The following ZNF573 variants were observed in gnomAD, a reference collection of about 807,000 sequenced individuals.
The protein encoded by ZNF573 is zinc finger protein 573.
A neutral mutation model predicts 57.4 loss-of-function variants in ZNF573; 41 were observed. The observed-to-expected ratio is 0.71, with a 90% CI of 0.56 to 0.93. The LOEUF (loss-of-function observed/expected upper bound fraction) is 0.93, where lower values mean the gene tolerates loss of function less well. Ranked by LOEUF, ZNF573 falls within the 40% of genes least tolerant of loss-of-function variation. The pLI, the probability that ZNF573 is intolerant of heterozygous loss-of-function variation, is 0.00. For synonymous variants in ZNF573, 249 were observed against 261.0 expected, an observed-to-expected ratio of 0.95 and a Z score of 0.44; for missense variants, 730 against 794.8, an observed-to-expected ratio of 0.92 and a Z score of 0.98.
Position 37,770,058 on chromosome 19 carries a change from A to G in ZNF573, c.242T>C (p.Leu81Pro), listed in dbSNP as rs1367414595. The change falls in exon 4 of 5, where the codon CTG (leucine) becomes CCG (proline). Residue 81 changes from leucine (L) to proline (P), a missense_variant. By Grantham distance (98) the Leu-to-Pro change is moderately conservative (BLOSUM62 -3). Coordinates refer to ENST00000536220, the MANE Select transcript of ZNF573 (RefSeq NM_001172690.2). ...SISKPVVVDLLERGKEPWMIL... is the reference protein window; with the variant it reads ...SISKPVVVDLPERGKEPWMIL... ...CATCCAGGGCTCTTTTCCTCGCTCC[A>G]GTAAATCAACCACAACTGGTTTAGA... is the stretch of plus-strand genomic sequence containing the variant. 2.4e-5 allele frequency: 38 copies of G among 1,551,886 alleles called. No individual in the cohort carries two copies. The highest frequency in any genetic ancestry group is 3.2e-5 in the Non-Finnish European group (37 of 1,147,218).
chr19:37,744,957 T>C (rs2045366728), intron 4 of ZNF573, among the ~76,000 whole-genome samples: 1 of 151,716 alleles, frequency 6.6e-6, no homozygotes. Flanking sequence ...AAATTTTTTG[T>C]ATTTTTAGTA....
intron 4 of ZNF573, among the ~76,000 whole-genome samples, chr19:37,744,670 G>A (rs533597309): frequency 6.7e-6 from 1 of 150,344 alleles, no homozygotes; most frequent in East Asian, 2.0e-4. Flanking sequence ...GAGCCTAGGC[G>A]GCCAAAGCTG....
chr19:37,770,860 A>ATATATGTATATATATG, intron 3 of ZNF573, among the ~76,000 whole-genome samples: 1 of 101,084 alleles, frequency 9.9e-6, no homozygotes, highest in East Asian at 2.8e-4. Context: ...ATATATATAT[A>ATATATGTATATATATG]TATATATATA....
At chr19:37,741,666 T>C (rs1271612731) in intron 4 of ZNF573, among the ~76,000 whole-genome samples, 1 of 152,180 alleles carries the variant, frequency 6.6e-6, no homozygotes, top group Admixed American at 6.5e-5. Flanking sequence ...AACTAGGTAT[T>C]GATGGAACAT....
intron 4 of ZNF573, among the ~76,000 whole-genome samples, chr19:37,767,435 GT>G (rs2045612477): frequency 6.6e-6 from 1 of 151,964 alleles, no homozygotes; most frequent in Non-Finnish European, 1.5e-5. Context: ...GGGTTTCGCC[GT>G]TTTAGCCAGG....
intron 4 of ZNF573, among the ~76,000 whole-genome samples, chr19:37,764,869 C>T (rs1009087167): frequency 1.3e-5 from 2 of 150,640 alleles, no homozygotes; most frequent in Admixed American, 6.6e-5. Context: ...TCCGAAAGTG[C>T]TCAGATTACA....
chr19:37,738,488 G>A lies in ZNF573; in HGVS notation c.*4C>T, dbSNP rs764657811. On this transcript the variant is annotated 3_prime_UTR_variant, in exon 5 of 5. Transcript: ENST00000536220. The stretch of plus-strand genomic sequence containing the variant: ...TGAATGGCGCGCTCGTACTCTTTAC[G>A]GTCTTACACTTTTATGCTCCTATGA... 2.4e-5 allele frequency: 37 copies of A among 1,521,056 alleles called. No homozygotes were observed. Among genetic ancestry groups the A allele is most frequent in the African/African-American group, 2.8e-5 (2 of 71,684 alleles). The allele number at this position is 1,521,056 out of a possible 1,614,324, so 94.2% of individuals were successfully genotyped here.
At chr19:37,755,031 T>A (rs567217253) in intron 4 of ZNF573, among the ~76,000 whole-genome samples, 7 of 152,226 alleles carry the variant, frequency 4.6e-5, no homozygotes, top group Non-Finnish European at 8.8e-5. Context: ...GTGCAGTGGC[T>A]CCATCTCAGC....
Position 37,738,445 on chromosome 19 carries a change from G to C in ZNF573, c.*47C>G. 1 of 1,490,122 alleles carries C rather than the reference G, an allele frequency of 6.7e-7. No individual in the cohort carries two copies. The highest frequency in any genetic ancestry group is 2.4e-5 in the Admixed American group (1 of 42,094). The allele number at this position is 1,490,122 out of a possible 1,614,324, so 92.3% of individuals were successfully genotyped here. The stretch of plus-strand genomic sequence containing the variant: ...ACTAACATTCCATCATTTCTCACCA[G>C]TGTGGGCTGTCTGATGATGAATGGC... On this transcript the variant is annotated 3_prime_UTR_variant, in exon 5 of 5. Coordinates refer to ENST00000536220, the MANE Select transcript of ZNF573 (RefSeq NM_001172690.2).
intron 4 of ZNF573, among the ~76,000 whole-genome samples, chr19:37,757,699 C>T (rs1008867236): frequency 3.9e-5 from 6 of 152,226 alleles, no homozygotes; most frequent in African/African-American, 1.4e-4. Flanking sequence ...TGGGTATATA[C>T]CCAAAGGAAT....
intron 3 of ZNF573, 87 bp from the exon 4 acceptor site, chr19:37,770,184 T>C (rs1013680045): frequency 9.8e-7 from 1 of 1,019,918 alleles, no homozygotes; most frequent in South Asian, 1.7e-5. Flanking sequence ...TACAATGAAC[T>C]AAGGACTTCA....
chr19:37,766,112 A>C (rs1351408159), intron 4 of ZNF573, among the ~76,000 whole-genome samples: 1 of 152,238 alleles, frequency 6.6e-6, no homozygotes, highest in Non-Finnish European at 1.5e-5. Flanking sequence ...AGTAGTTACC[A>C]AATAGTAGGT....
At position 37,779,531 on chromosome 19, in the gene ZNF573, G is replaced by T. The variant is rs981232791; in HGVS notation, c.-23+13C>A. 6.6e-6 allele frequency: 1 copy of T among 152,248 alleles called. No homozygotes were observed. Among genetic ancestry groups the T allele is most frequent in the Non-Finnish European group, 1.5e-5 (1 of 68,106 alleles). 9.4% of individuals were successfully genotyped at this position (152,248 alleles called of 1,614,324 possible). On this transcript the variant is annotated intron_variant, in intron 1 of 4. Transcript: ENST00000536220. Reference sequence around the variant, plus strand: ...CTCTGTGCCTGTTATATACTGAAATGAGTTCAACCCACCTTGCAAAAGAAC... The same window carrying T: ...CTCTGTGCCTGTTATATACTGAAATTAGTTCAACCCACCTTGCAAAAGAAC...
chr19:37,741,698 G>T (rs2045328715), intron 4 of ZNF573, among the ~76,000 whole-genome samples: 1 of 151,982 alleles, frequency 6.6e-6, no homozygotes, highest in African/African-American at 2.4e-5. Flanking sequence ...AGCTATTTAT[G>T]ACAAACCCAC....
chr19:37,771,343 A>T (rs577290394), intron 3 of ZNF573, among the ~76,000 whole-genome samples: 83 of 152,252 alleles, frequency 5.5e-4, no homozygotes, highest in Non-Finnish European at 1.1e-3. Context: ...GAAAGGAGGC[A>T]ATCATAAGGG....
chr19:37,745,146 C>G (rs563739843), intron 4 of ZNF573, among the ~76,000 whole-genome samples: 3 of 152,106 alleles, frequency 2.0e-5, no homozygotes, highest in African/African-American at 7.2e-5. Context: ...GTGATACTGG[C>G]TCACTGCAAC....
chr19:37,770,250 T>G (rs1267230350), intron 3 of ZNF573, among the ~76,000 whole-genome samples, 153 bp from the exon 4 acceptor site: 2 of 152,144 alleles, frequency 1.3e-5, no homozygotes, highest in Admixed American at 1.3e-4. Flanking sequence ...AAAACCTTAT[T>G]TTAATGTAAA....
chr19:37,745,627 C>T (rs2045375012), intron 4 of ZNF573, among the ~76,000 whole-genome samples: 1 of 151,554 alleles, frequency 6.6e-6, no homozygotes, highest in South Asian at 2.1e-4. Context: ...AACTCCTGAA[C>T]TCAAATGATC....
rs764979725 is a variant in ZNF573 at position 37,742,337 on chromosome 19, A to C, written c.296-2143T>G. Among the ~76,000 whole-genome samples the C allele has an allele frequency of 5.8e-4, 89 of 152,224 alleles. 1 individual carries two copies. Among genetic ancestry groups the C allele is most frequent in the Non-Finnish European group, 1.9e-4 (13 of 68,034 alleles). The stretch of plus-strand genomic sequence containing the variant: ...TTAGAAAAAAACTGTTTTAAATTTT[A>C]TATGGAATCAAAGAAGACCCCGTAC... On this transcript the variant is annotated intron_variant, in intron 4 of 4. Coordinates refer to ENST00000536220, the MANE Select transcript of ZNF573 (RefSeq NM_001172690.2).
Sources: gnomAD v4.1 joint callset for allele counts (sites outside exome capture counted in the v4.1 genomes callset) on GRCh38, gnomAD v4.1.1 for gene constraint, MANE v1.5 for transcripts, NCBI Gene and HGNC (gene_info 2026-07-23, HGNC 2026-07-21) for gene names.